The following NHS variants were observed in gnomAD, a reference collection of about 807,000 sequenced individuals.
The protein encoded by NHS is NHS actin remodeling regulator.
NHS carries 5 observed loss-of-function variants against 72.5 expected under a neutral mutation model. That is an observed-to-expected ratio of 0.07 (90% CI 0.04 to 0.14). The LOEUF (loss-of-function observed/expected upper bound fraction) is 0.14. NHS is among the 10% of genes least tolerant of loss of function. The probability of loss-of-function intolerance (pLI) is 1.00; values close to 1 mark genes in which losing one functional copy is unlikely to be tolerated. For synonymous variants in NHS, 464 were observed against 547.7 expected, an observed-to-expected ratio of 0.85 and a Z score of 2.13; for missense variants, 1,072 against 1,355.7, an observed-to-expected ratio of 0.79 and a Z score of 3.29.
intron 1 of NHS, among the ~76,000 whole-genome samples, chrX:17,549,134 T>TAA (rs112708749): frequency 0.018 from 1,375 of 78,455 alleles, 36 homozygotes; most frequent in African/African-American, 0.058. Context: ...GGCCCCTCAT[T>TAA]AAAAAAAAAA....
At chrX:17,437,377 G>A (rs1475203957) in intron 1 of NHS, among the ~76,000 whole-genome samples, 2 of 111,669 alleles carry the variant, frequency 1.8e-5, no homozygotes, top group African/African-American at 3.3e-5. Context: ...AGGAGGTTTT[G>A]ATGCGTTCCT....
chrX:17,552,515 T>C (rs2065342109), intron 1 of NHS: 1 of 111,783 alleles, frequency 8.9e-6, no homozygotes, highest in Non-Finnish European at 1.9e-5. Context: ...CCAAGCATCA[T>C]GTCTGTGTTC....
chrX:17,696,300 A>G (rs1421732921), intron 3 of NHS, among the ~76,000 whole-genome samples: 1 of 112,098 alleles, frequency 8.9e-6, no homozygotes, highest in Non-Finnish European at 1.9e-5. Flanking sequence ...TAAGTGTCAG[A>G]ATACTGATTA....
At chrX:17,451,610 G>A (rs1798313621) in intron 1 of NHS, among the ~76,000 whole-genome samples, 1 of 111,825 alleles carries the variant, frequency 8.9e-6, no homozygotes, top group Admixed American at 9.5e-5. Context: ...CTAATAAGGG[G>A]GAAGAGCAAG....
At chrX:17,431,722 A>G (rs138612173) in intron 1 of NHS, among the ~76,000 whole-genome samples, 181 of 112,008 alleles carry the variant, frequency 1.6e-3, no homozygotes, top group African/African-American at 5.5e-3. Flanking sequence ...TCTGCTTTCC[A>G]TATGAGAACA....
In NHS at chrX:17,735,832, T is replaced by C. The variant is rs2066520527; in HGVS notation, c.*3368T>C. 8.9e-6 allele frequency: 1 copy of C among 112,921 alleles called. No individual in the cohort carries two copies. Among genetic ancestry groups the C allele is most frequent in the African/African-American group, 3.2e-5 (1 of 30,953 alleles). The allele number at this position is 112,921 out of a possible 1,213,427, so 9.3% of individuals were successfully genotyped here. ...TCAACGTTTACATTCAATCCAAGCC[T>C]TTGTATATTTTAGAGCTGTGCAACA... is the stretch of plus-strand genomic sequence containing the variant. On this transcript the variant is annotated 3_prime_UTR_variant, in exon 9 of 9. Coordinates refer to ENST00000676302, the MANE Select transcript of NHS (RefSeq NM_001291867.2).
At chrX:17,592,519 T>A (rs2065607736) in intron 1 of NHS, among the ~76,000 whole-genome samples, 1 of 111,979 alleles carries the variant, frequency 8.9e-6, no homozygotes, top group African/African-American at 3.2e-5. Context: ...AGCTTTGAAT[T>A]CTATCCCATT....
chrX:17,408,678 T>A, intron 1 of NHS, among the ~76,000 whole-genome samples: 1 of 111,690 alleles, frequency 9.0e-6, no homozygotes, highest in Non-Finnish European at 1.9e-5. Flanking sequence ...CTGAGAGAAT[T>A]TTTTTTCCAA....
chrX:17,482,605 T>C (rs115696121), intron 1 of NHS, among the ~76,000 whole-genome samples: 1,271 of 111,360 alleles, frequency 0.011, 14 homozygotes, highest in African/African-American at 0.039. Flanking sequence ...GACATAACTG[T>C]GGCCAGTTCC....
At chrX:17,512,269 C>T (rs941232209) in intron 1 of NHS, among the ~76,000 whole-genome samples, 6 of 111,753 alleles carry the variant, frequency 5.4e-5, no homozygotes, top group South Asian at 7.4e-4. Context: ...CACTTAAAAA[C>T]GTAGTGATAT....
intron 1 of NHS, among the ~76,000 whole-genome samples, chrX:17,672,584 G>A (rs781261916): frequency 8.9e-6 from 1 of 112,790 alleles, no homozygotes. Context: ...AGCTCCATGT[G>A]GACAGGGACC....
chrX:17,672,460 G>A (rs943830685), intron 1 of NHS, among the ~76,000 whole-genome samples: 2 of 112,630 alleles, frequency 1.8e-5, no homozygotes, highest in African/African-American at 6.5e-5. Flanking sequence ...CTGCAAGGAA[G>A]GCTGGGAAAT....
chrX:17,697,939 A>C (rs1229381138), intron 3 of NHS, among the ~76,000 whole-genome samples: 1 of 110,998 alleles, frequency 9.0e-6, no homozygotes, highest in East Asian at 2.8e-4. Context: ...AAAAAAAAAA[A>C]AAATACAAAT....
In NHS at chrX:17,727,742, A is replaced by G; in HGVS notation, c.3636A>G (p.Pro1212=). ...FLDSSAVEMG[P]DKLHLEKNST... is the part of the protein sequence containing the mutation. ...ACTCTTCTGCAGTTGAGATGGGACC[A>G]GATAAACTACATTTAGAAAAAAACT... The change falls in exon 7 of 9, where the codon CCA becomes CCG. Residue 1212 remains proline (P), a synonymous_variant. Transcript: ENST00000676302. 4.1e-6 allele frequency: 5 copies of G among 1,211,575 alleles called. No homozygotes were observed. The highest frequency in any genetic ancestry group is 5.6e-6 in the Non-Finnish European group (5 of 895,202).
At chrX:17,584,103 T>TA (rs960914174) in intron 1 of NHS, among the ~76,000 whole-genome samples, 5 of 111,751 alleles carry the variant, frequency 4.5e-5, no homozygotes, top group African/African-American at 1.6e-4. Context: ...AAGCTTTCCT[T>TA]ATGGGGGTAT....
At chrX:17,517,370 G>C (rs2065126978) in intron 1 of NHS, among the ~76,000 whole-genome samples, 1 of 112,256 alleles carries the variant, frequency 8.9e-6, no homozygotes, top group Non-Finnish European at 1.9e-5. Context: ...AATTAAATCA[G>C]AACCTCTGAG....
intron 1 of NHS, among the ~76,000 whole-genome samples, chrX:17,517,372 A>C (rs190591019): frequency 2.7e-5 from 3 of 111,879 alleles, no homozygotes; most frequent in East Asian, 2.8e-4. Flanking sequence ...TTAAATCAGA[A>C]CCTCTGAGGT....
chrX:17,536,003 TC>T (rs79255006), intron 1 of NHS, among the ~76,000 whole-genome samples: 1 of 111,957 alleles, frequency 8.9e-6, no homozygotes, highest in African/African-American at 3.2e-5. Flanking sequence ...TTGGCCAAGT[TC>T]CCCCTTCATT....
intron 1 of NHS, among the ~76,000 whole-genome samples, chrX:17,503,731 C>T (rs1407903195): frequency 9.0e-6 from 1 of 111,696 alleles, no homozygotes; most frequent in Non-Finnish European, 1.9e-5. Context: ...TCATGGGGGA[C>T]AGTGATAATT....
Sources: gnomAD v4.1 joint callset for allele counts (sites outside exome capture counted in the v4.1 genomes callset) on GRCh38, gnomAD v4.1.1 for gene constraint, MANE v1.5 for transcripts, NCBI Gene and HGNC (gene_info 2026-07-23, HGNC 2026-07-21) for gene names.